ATP6V1C2: variants seen among roughly 807,000 people sequenced by gnomAD.
ATP6V1C2 encodes V-type proton ATPase subunit C 2.
ATP6V1C2 carries 45 observed loss-of-function variants against 56.8 expected under a neutral mutation model. The ratio of observed to expected loss-of-function variants is 0.79; its 90% confidence interval spans 0.62 to 1.02. The LOEUF is 1.02. Among genes scored for constraint, ATP6V1C2 ranks in the 50% least tolerant of loss-of-function variants. The pLI is 0.00. For synonymous variants in ATP6V1C2, 220 were observed against 201.3 expected, an observed-to-expected ratio of 1.09 and a Z score of -0.79; for missense variants, 463 against 519.7, an observed-to-expected ratio of 0.89 and a Z score of 1.06.
intron 8 of ATP6V1C2, 25 bp from the exon 9 acceptor site, chr2:10,774,763 G>A: frequency 6.2e-7 from 1 of 1,606,678 alleles, no homozygotes; most frequent in South Asian, 1.1e-5. Flanking sequence ...AGTGAGTCCA[G>A]CCAACAGATG....
At position 10,774,988 on chromosome 2, in the gene ATP6V1C2, C is replaced by G. The variant is rs758292790; in HGVS notation, c.742C>G (p.Arg248Gly). 2 of 1,613,766 alleles carry G rather than the reference C, an allele frequency of 1.2e-6. No homozygotes were observed. The highest frequency in any genetic ancestry group is 2.2e-5 in the South Asian group (2 of 91,040). ...TTTGCTTGTTTTAAGGTTCACTGTT[C>G]GTGAATTTTACTATGATGAGAAGGA... The part of the protein sequence containing the change: ...TKAKENKFTV[R>G]EFYYDEKEIE... The change falls in exon 10 of 14, where the codon CGT (arginine) becomes GGT (glycine). Residue 248 changes from arginine to glycine, a missense_variant. Coordinates refer to ENST00000272238, the MANE Select transcript of ATP6V1C2 (RefSeq NM_001039362.2).
chr2:10,752,895 C>A (rs948661842), intron 3 of ATP6V1C2, among the ~76,000 whole-genome samples: 9 of 152,228 alleles, frequency 5.9e-5, no homozygotes, highest in South Asian at 2.1e-4. Flanking sequence ...ACTTGGGAGG[C>A]TGAGGAGGGA....
intron 3 of ATP6V1C2, among the ~76,000 whole-genome samples, chr2:10,736,969 G>A (rs1182584635): frequency 1.3e-5 from 2 of 151,908 alleles, no homozygotes; most frequent in Non-Finnish European, 2.9e-5. Flanking sequence ...GACTAGTCTT[G>A]AACTACTAGG....
chr2:10,772,484 C>A, intron 7 of ATP6V1C2, 58 bp from the exon 8 acceptor site: 1 of 1,443,924 alleles, frequency 6.9e-7, no homozygotes, highest in South Asian at 1.1e-5. Context: ...CCTAGGCACT[C>A]AGGACACCCA....
chr2:10,737,279 GA>G (rs1558391480), intron 3 of ATP6V1C2, among the ~76,000 whole-genome samples: 3 of 130,704 alleles, frequency 2.3e-5, no homozygotes, highest in African/African-American at 5.5e-5. Context: ...AAAAAAAAAA[GA>G]TTAACCAGGT....
rs1454238659 is a variant in ATP6V1C2 at position 10,772,696 on chromosome 2, G to A, written c.638+86G>A. 5.8e-6 allele frequency: 7 copies of A among 1,206,388 alleles called. No homozygotes were observed. The highest frequency in any genetic ancestry group is 3.0e-5 in the African/African-American group (2 of 66,792). The allele number at this position is 1,206,388 out of a possible 1,614,324, so 74.7% of individuals were successfully genotyped here. On this transcript the variant is annotated intron_variant, in intron 8 of 13. Coordinates refer to ENST00000272238, the MANE Select transcript of ATP6V1C2 (RefSeq NM_001039362.2). ...CACCCAACCACCAAACATGCCCCGA[G>A]GGTGTGAGGCTCCCCAGCTTTCCAC...
chr2:10,778,639 C>T lies in ATP6V1C2; in HGVS notation c.1031C>T (p.Ala344Val), dbSNP rs1182281587. ...TTCATTGCCTGGATCCACATCAAGG[C>T]CCTGAGAGTGTTTGTGGAGTCCGTG... is the stretch of plus-strand genomic sequence containing the variant. ...EAFIAWIHIK[A>V]LRVFVESVLR... The change falls in exon 12 of 14, where the codon GCC (alanine) becomes GTC (valine). Residue 344 changes from alanine to valine, a missense_variant. Physicochemically the swap from Ala to Val is moderately conservative, Grantham distance 64. Transcript: ENST00000272238. 1 of 1,614,208 alleles carries T rather than the reference C, an allele frequency of 6.2e-7. No homozygotes were observed. Among genetic ancestry groups the T allele is most frequent in the Non-Finnish European group, 8.5e-7 (1 of 1,180,028 alleles).
rs1665289843 is a variant in ATP6V1C2, at chr2:10,780,648, AGG to A, written c.1062-1594_1062-1593del. On this transcript the variant is annotated intron_variant, in intron 12 of 13. Coordinates refer to ENST00000272238, the MANE Select transcript of ATP6V1C2 (RefSeq NM_001039362.2). This position sits in a 1 kb window ranked among gnomAD's most constrained non-coding sequence, Gnocchi z 4.1. ...CCCGGCTCAGAAGTCGGTTGCTCTC[AGG>A]CCTAACGGCCTAACACAGTGAAGCC... Among the ~76,000 whole-genome samples, 3 of 152,172 alleles carry A rather than the reference AGG, an allele frequency of 2.0e-5. No homozygotes were observed. Among genetic ancestry groups the A allele is most frequent in the Non-Finnish European group, 4.4e-5 (3 of 68,038 alleles).
intron 6 of ATP6V1C2, among the ~76,000 whole-genome samples, chr2:10,769,722 A>C (rs984380491): frequency 8.6e-5 from 13 of 151,668 alleles, no homozygotes; most frequent in African/African-American, 2.4e-4. Context: ...AACAAACAAA[A>C]AAAACAGGGA....
chr2:10,763,321 C>T lies in ATP6V1C2; in HGVS notation c.284-1010C>T, dbSNP rs745327772. Among the ~76,000 whole-genome samples the T allele has an allele frequency of 6.6e-6, 1 of 152,108 alleles. No homozygotes were observed. The highest frequency in any genetic ancestry group is 1.5e-5 in the Non-Finnish European group (1 of 68,000). On this transcript the variant is annotated intron_variant, in intron 4 of 13. Coordinates refer to ENST00000272238, the MANE Select transcript of ATP6V1C2 (RefSeq NM_001039362.2). This position sits in a 1 kb window ranked among gnomAD's most constrained non-coding sequence, Gnocchi z 4.2. The stretch of plus-strand genomic sequence containing the variant: ...ATGTCTGTGTCCCAGTGAAGGGACA[C>T]GATCCTCCCTAGGAGGAGCCGGCGC...
chr2:10,750,670 C>T (rs537335183), intron 3 of ATP6V1C2, among the ~76,000 whole-genome samples: 4 of 152,258 alleles, frequency 2.6e-5, no homozygotes, highest in Admixed American at 1.3e-4. Context: ...TTGATTCATT[C>T]GGCAGACATT....
rs959683585 is a variant in ATP6V1C2, at chr2:10,721,652, C to T, written c.-106C>T. 5.3e-5 allele frequency: 8 copies of T among 151,466 alleles called. No individual in the cohort carries two copies. Among genetic ancestry groups the T allele is most frequent in the Non-Finnish European group, 1.2e-4 (8 of 67,766 alleles). The allele number at this position is 151,466 out of a possible 1,614,324, so 9.4% of individuals were successfully genotyped here. A position where few individuals can be genotyped will look rare whatever the true frequency, so the allele number is the denominator to read the frequency against. On this transcript the variant is annotated 5_prime_UTR_variant, in exon 1 of 14. Coordinates refer to ENST00000272238, the MANE Select transcript of ATP6V1C2 (RefSeq NM_001039362.2). ...AGCGAAGCCGCTGCCTCCCGGGAGC[C>T]GGCAGAGCGCTCCGGCCCCGCACCC...
chr2:10,723,021 G>A (rs747097954), intron 2 of ATP6V1C2, 43 bp downstream of exon 2: 1 of 1,608,902 alleles, frequency 6.2e-7, no homozygotes, highest in Non-Finnish European at 8.5e-7. Context: ...GGATTGGTCA[G>A]GGGGAGACAG....
intron 3 of ATP6V1C2, among the ~76,000 whole-genome samples, chr2:10,739,650 C>T (rs367903164): frequency 6.6e-6 from 1 of 152,164 alleles, no homozygotes; most frequent in Admixed American, 6.6e-5. Flanking sequence ...TAGGTGACCC[C>T]GTTTTAATTA....
chr2:10,723,683 C>CA (rs1429015909), intron 2 of ATP6V1C2, among the ~76,000 whole-genome samples: 2 of 151,238 alleles, frequency 1.3e-5, no homozygotes, highest in Non-Finnish European at 3.0e-5. Flanking sequence ...CTAAAAAATA[C>CA]AAAAAAATAG....
intron 3 of ATP6V1C2, among the ~76,000 whole-genome samples, chr2:10,730,629 A>G (rs1330647338): frequency 7.0e-6 from 1 of 143,250 alleles, no homozygotes; most frequent in Non-Finnish European, 1.5e-5. Context: ...TTTTTTTGAA[A>G]TGAGATAATA....
At chr2:10,722,067 C>T (rs1481499718) in intron 1 of ATP6V1C2, among the ~76,000 whole-genome samples, 2 of 152,148 alleles carry the variant, frequency 1.3e-5, no homozygotes, top group Non-Finnish European at 2.9e-5. Context: ...ATCCTGCTTT[C>T]CCCCAGCCGT....
At chr2:10,753,947 A>AC in intron 3 of ATP6V1C2, 34 bp from the exon 4 acceptor site, 1 of 1,556,470 alleles carries the variant, frequency 6.4e-7, no homozygotes, top group Non-Finnish European at 8.8e-7. Context: ...ACAGCTTCCT[A>AC]CTCTAACCGG....
chr2:10,782,868 C>T (rs1665468341), intron 13 of ATP6V1C2, among the ~76,000 whole-genome samples: 2 of 136,172 alleles, frequency 1.5e-5, no homozygotes, highest in South Asian at 4.6e-4. Flanking sequence ...AAAAAATTTG[C>T]CAGGAGTGGT....
Sources: gnomAD v4.1 joint callset for allele counts (sites outside exome capture counted in the v4.1 genomes callset) on GRCh38, gnomAD v4.1.1 for gene constraint, Gnocchi (gnomAD v3.1) non-coding constraint, MANE v1.5 for transcripts, NCBI Gene and HGNC (gene_info 2026-07-23, HGNC 2026-07-21) for gene names.